Variants in ARFGEF1 observed in about 807,000 individuals in gnomAD.
The protein encoded by ARFGEF1 is ARF guanine nucleotide exchange factor 1, also known as brefeldin A-inhibited guanine nucleotide-exchange protein 1.
ARFGEF1 carries 42 observed loss-of-function variants against 231.0 expected under a neutral mutation model. That is an observed-to-expected ratio of 0.18 (90% CI 0.14 to 0.24). The LOEUF (loss-of-function observed/expected upper bound fraction) is 0.24, where lower values mean the gene tolerates loss of function less well. Ranked by LOEUF, ARFGEF1 falls within the 10% of genes least tolerant of loss-of-function variation. The pLI is 1.00. For missense variants in ARFGEF1, 1,345 were observed against 2,192.0 expected (o/e 0.61, Z 7.72); for synonymous variants, 710 against 732.3 (o/e 0.97, Z 0.49).
downstream of ARFGEF1, chr8:67,195,849 C>CTACT (rs202189386): frequency 3.9e-4 from 163 of 419,948 alleles, 1 homozygote; most frequent in East Asian, 6.3e-3. Flanking sequence ...CTGGATTGAA[C>CTACT]TACTATATGT....
At chr8:67,284,184 A>C (rs1365251420) in intron 7 of ARFGEF1, among the ~76,000 whole-genome samples, 1 of 152,218 alleles carries the variant, frequency 6.6e-6, no homozygotes, top group Non-Finnish European at 1.5e-5. Flanking sequence ...CAACTGAAAT[A>C]GAATAATTTC....
intron 14 of ARFGEF1, among the ~76,000 whole-genome samples, chr8:67,261,338 T>C (rs1411583696): frequency 1.3e-5 from 2 of 152,228 alleles, no homozygotes; most frequent in Non-Finnish European, 1.5e-5. Flanking sequence ...GGGGCTAATG[T>C]AGCTGATGAT....
intron 1 of ARFGEF1, among the ~76,000 whole-genome samples, chr8:67,329,269 T>C (rs1160689175): frequency 6.6e-6 from 1 of 151,428 alleles, no homozygotes. Flanking sequence ...AATAAGAATT[T>C]AGGCCGGGCA....
chr8:67,298,919 T>C (rs1587255639), intron 4 of ARFGEF1, among the ~76,000 whole-genome samples: 1 of 152,198 alleles, frequency 6.6e-6, no homozygotes, highest in East Asian at 1.9e-4. Flanking sequence ...GTGCCCACCA[T>C]CATGCCCAGC....
rs918933222 is a variant in ARFGEF1, at chr8:67,259,932, T to A, written c.2124-6A>T. 9 of 1,551,208 alleles carry A rather than the reference T, an allele frequency of 5.8e-6. No individual in the cohort carries two copies. Among genetic ancestry groups the A allele is most frequent in the Non-Finnish European group, 7.9e-6 (9 of 1,132,976 alleles). ...TCTTTGGTTTCTTATTAAATCTAGA[T>A]GATGTTAAATAAGAACATTAAAAAT... is the stretch of plus-strand genomic sequence containing the variant. On this transcript the variant is annotated splice_polypyrimidine_tract_variant and splice_region_variant and intron_variant, in intron 14 of 38. Coordinates refer to ENST00000262215, the MANE Select transcript of ARFGEF1 (RefSeq NM_006421.5).
Position 67,330,887 on chromosome 8 carries a change from C to A in ARFGEF1, c.124+12277G>T, listed in dbSNP as rs552268220. 1.1e-3 allele frequency among the ~76,000 whole-genome samples: 174 copies of A among 152,170 alleles called. 2 individuals are homozygous for A. The highest frequency in any genetic ancestry group is 4.0e-3 in the African/African-American group (167 of 41,558). Reference sequence around the variant, plus strand: ...AGGGAATGGAAGCATGGGGACCCAACAAATTGGATGAAACAAAATAATCAA... The same window carrying A: ...AGGGAATGGAAGCATGGGGACCCAAAAAATTGGATGAAACAAAATAATCAA... On this transcript the variant is annotated intron_variant, in intron 1 of 38. Coordinates refer to ENST00000262215, the MANE Select transcript of ARFGEF1 (RefSeq NM_006421.5).
intron 34 of ARFGEF1, among the ~76,000 whole-genome samples, chr8:67,206,410 T>A (rs1201329336): frequency 8.8e-5 from 9 of 102,048 alleles, no homozygotes; most frequent in Non-Finnish European, 1.4e-4. Context: ...ATTTTATCTT[T>A]AAAAAAAAAA....
intron 1 of ARFGEF1, among the ~76,000 whole-genome samples, chr8:67,321,416 G>C (rs1176081010): frequency 6.6e-6 from 1 of 152,112 alleles, no homozygotes; most frequent in Non-Finnish European, 1.5e-5. Flanking sequence ...GGTGATCTTG[G>C]TGTATTTGTA....
chr8:67,243,555 G>A (rs1456232903), intron 19 of ARFGEF1, among the ~76,000 whole-genome samples: 1 of 152,132 alleles, frequency 6.6e-6, no homozygotes, highest in African/African-American at 2.4e-5. Flanking sequence ...GGGAATTATG[G>A]GAGCTACAAT....
chr8:67,321,418 G>T (rs1434418239), intron 1 of ARFGEF1, among the ~76,000 whole-genome samples: 1 of 152,146 alleles, frequency 6.6e-6, no homozygotes, highest in East Asian at 1.9e-4. Flanking sequence ...TGATCTTGGT[G>T]TATTTGTATA....
chr8:67,200,486 G>A lies in ARFGEF1; in HGVS notation c.5295C>T (p.Phe1765=). The A allele has an allele frequency of 6.2e-7, 1 of 1,603,510 alleles. No individual in the cohort carries two copies. Among genetic ancestry groups the A allele is most frequent in the Non-Finnish European group, 8.5e-7 (1 of 1,170,400 alleles). Residue 1765 remains phenylalanine, a synonymous_variant, in exon 38 of 39, where the codon TTC becomes TTT. Transcript: ENST00000262215. The stretch of plus-strand genomic sequence containing the variant: ...GATGACTTTCTGATGTTAGAGTGAG[G>A]AAGTAACTTAGTGCTTCACTGCAGA... The part of the protein sequence containing the change: ...LNVCSEALSY[F]LTLTSESHRE...
chr8:67,180,230 C>T (rs962261010), intron 5 of ARFGEF1, among the ~76,000 whole-genome samples: 1 of 152,100 alleles, frequency 6.6e-6, no homozygotes, highest in African/African-American at 2.4e-5. Context: ...TAAAAAAACT[C>T]TGGTACATCC....
At chr8:67,200,365 T>C (rs1838284805) in intron 38 of ARFGEF1, 31 bp downstream of exon 38, 2 of 1,458,248 alleles carry the variant, frequency 1.4e-6, no homozygotes, top group South Asian at 1.1e-5. Flanking sequence ...GGGCTAGAAA[T>C]GTGGGGCTGG....
At chr8:67,327,774 G>A (rs1249425329) in intron 1 of ARFGEF1, among the ~76,000 whole-genome samples, 1 of 152,170 alleles carries the variant, frequency 6.6e-6, no homozygotes, top group Non-Finnish European at 1.5e-5. Context: ...TCTAAGAAAA[G>A]TACTATATAA....
intron 7 of ARFGEF1, among the ~76,000 whole-genome samples, chr8:67,278,202 A>G (rs576248850): frequency 6.6e-6 from 1 of 152,332 alleles, no homozygotes; most frequent in East Asian, 1.9e-4. Flanking sequence ...ATAAGATAGT[A>G]CGAGAGACAC....
At position 67,255,806 on chromosome 8, in the gene ARFGEF1, C is replaced by T. The variant is rs150480774; in HGVS notation, c.2526+1926G>A. Among the ~76,000 whole-genome samples the T allele has an allele frequency of 3.1e-4, 47 of 152,328 alleles. No homozygotes were observed. In the East Asian group the frequency reaches 8.9e-3, roughly 29 times the overall value. On this transcript the variant is annotated intron_variant, in intron 17 of 38. Coordinates refer to ENST00000262215, the MANE Select transcript of ARFGEF1 (RefSeq NM_006421.5). The stretch of plus-strand genomic sequence containing the variant: ...CACCGCTAGACTAGGACTCCAAGCA[C>T]ATGTTCTGCAAACAGGCACTGTTAT...
chr8:67,276,220 T>C, intron 8 of ARFGEF1, 111 bp from the exon 9 acceptor site: 1 of 1,206,986 alleles, frequency 8.3e-7, no homozygotes, highest in Non-Finnish European at 1.2e-6. Flanking sequence ...ATTCCCCCAC[T>C]GTTGGAAGGG....
At position 67,259,829 on chromosome 8, in the gene ARFGEF1, C is replaced by T; in HGVS notation, c.2221G>A (p.Glu741Lys). ...EDIAQFLHQE[E>K]RLDSTQVGEF... ...GGTATTCTTACAGAGTCTAATCTTT[C>T]CTCTTGATGTAAGAATTGGGCAATA... Residue 741 changes from glutamate (E) to lysine (K), a missense_variant, in exon 15 of 39, where the codon GAA becomes AAA. Glu to Lys is a moderately conservative substitution (Grantham distance 56, BLOSUM62 1). Coordinates refer to ENST00000262215, the MANE Select transcript of ARFGEF1 (RefSeq NM_006421.5). 1 of 1,604,122 alleles carries T rather than the reference C, an allele frequency of 6.2e-7. No individual in the cohort carries two copies. The highest frequency in any genetic ancestry group is 8.5e-7 in the Non-Finnish European group (1 of 1,174,076).
chr8:67,339,109 AG>A (rs1192782794), intron 1 of ARFGEF1, among the ~76,000 whole-genome samples: 1 of 152,244 alleles, frequency 6.6e-6, no homozygotes, highest in Non-Finnish European at 1.5e-5. Flanking sequence ...CTATAATTAC[AG>A]GTAATAGACT....
Sources: gnomAD v4.1 joint callset for allele counts (sites outside exome capture counted in the v4.1 genomes callset) on GRCh38, gnomAD v4.1.1 for gene constraint, MANE v1.5 for transcripts, NCBI Gene and HGNC (gene_info 2026-07-23, HGNC 2026-07-21) for gene names.